SHH: variants seen among roughly 807,000 people sequenced by gnomAD.
The protein encoded by SHH is sonic hedgehog protein.
A neutral mutation model predicts 16.6 loss-of-function variants in SHH; 3 were observed. That is an observed-to-expected ratio of 0.18 (90% confidence interval 0.08 to 0.47). SHH has a LOEUF of 0.47. Among genes scored for constraint, SHH ranks in the 20% least tolerant of loss-of-function variants. SHH has a pLI of 0.98. For synonymous variants in SHH, 351 were observed against 316.2 expected, an observed-to-expected ratio of 1.11 and a Z score of -1.17; for missense variants, 499 against 665.0, an observed-to-expected ratio of 0.75 and a Z score of 2.75.
At chr7:155,805,940 C>G (rs543061930) in intron 2 of SHH, among the ~76,000 whole-genome samples, 1 of 152,344 alleles carries the variant, frequency 6.6e-6, no homozygotes, top group East Asian at 1.9e-4. Context: ...GAGGAAGGAG[C>G]TCGCCCAGAC....
rs1803401963 is a variant in SHH at position 155,807,660 on chromosome 7, T to G, written c.301-1103A>C. 6.6e-6 allele frequency among the ~76,000 whole-genome samples: 1 copy of G among 152,086 alleles called. No homozygotes were observed. The highest frequency in any genetic ancestry group is 2.4e-5 in the African/African-American group (1 of 41,404). The stretch of plus-strand genomic sequence containing the variant: ...CGACAGAAAGCAGTTGAATCCACTG[T>G]GTGTGTTTGTGGGGGCACTGACTTG... On this transcript the variant is annotated intron_variant, in intron 1 of 2. Coordinates refer to ENST00000297261, the MANE Select transcript of SHH (RefSeq NM_000193.4). This position sits in a 1 kb window ranked among gnomAD's most constrained non-coding sequence, Gnocchi z 7.1.
chr7:155,806,360 C>T lies in SHH; in HGVS notation c.498G>A (p.Val166=). Residue 166 remains valine (V), a synonymous_variant, in exon 2 of 3, where the codon GTG becomes GTA. Transcript: ENST00000297261. ...AGTACACCCAGTCGAAGCCGGCCTC[C>T]ACCGCCAGGCGGGCCAGCATGCCGT... The part of the protein sequence containing the change: ...SKYGMLARLA[V]EAGFDWVYYE... 1 of 1,613,584 alleles carries T rather than the reference C, an allele frequency of 6.2e-7. No homozygotes were observed. The highest frequency in any genetic ancestry group is 8.5e-7 in the Non-Finnish European group (1 of 1,180,046).
rs1261106266 is a variant in SHH, at chr7:155,812,333, C to T, written c.-211G>A. On this transcript the variant is annotated 5_prime_UTR_variant, in exon 1 of 3. Transcript: ENST00000297261. ...CTGCGGGGGACTCTCCACCGCTCCCCACCCAGACAGGGGCTGGAATGGCAG... is the reference window on the plus strand; with the variant it reads ...CTGCGGGGGACTCTCCACCGCTCCCTACCCAGACAGGGGCTGGAATGGCAG... 1.6e-6 allele frequency: 1 copy of T among 609,294 alleles called. No individual in the cohort carries two copies. The highest frequency in any genetic ancestry group is 2.8e-5 in the East Asian group (1 of 36,112). The allele number at this position is 609,294 out of a possible 1,614,324, so 37.7% of individuals were successfully genotyped here.
At chr7:155,810,056 C>T (rs759873221) in intron 1 of SHH, among the ~76,000 whole-genome samples, 4 of 152,068 alleles carry the variant, frequency 2.6e-5, no homozygotes, top group Non-Finnish European at 4.4e-5. Context: ...CGCTCCCGCG[C>T]GTGGAGCAGC....
chr7:155,808,433 TG>T (rs1266903257), intron 1 of SHH, among the ~76,000 whole-genome samples: 2 of 152,216 alleles, frequency 1.3e-5, no homozygotes, highest in Non-Finnish European at 2.9e-5. Flanking sequence ...GAGGATGACC[TG>T]GCCCCCAGCT....
At position 155,800,521 on chromosome 7, in the gene SHH, G is replaced by A; in HGVS notation, c.*2379C>T. 1 of 470,328 alleles carries A rather than the reference G, an allele frequency of 2.1e-6. No individual in the cohort carries two copies. The highest frequency in any genetic ancestry group is 4.4e-6 in the Non-Finnish European group (1 of 226,888). The allele number at this position is 470,328 out of a possible 1,614,324, so 29.1% of individuals were successfully genotyped here. The stretch of plus-strand genomic sequence containing the variant: ...CTGGGCTGCACGGCCACATTGCCAG[G>A]TCTGTCTACACAGCCAGAGGAGCTG... On this transcript the variant is annotated 3_prime_UTR_variant, in exon 3 of 3. Coordinates refer to ENST00000297261, the MANE Select transcript of SHH (RefSeq NM_000193.4).
Position 155,812,318 on chromosome 7 carries a change from C to A in SHH, c.-196G>T. The A allele has an allele frequency of 1.6e-6, 1 of 622,328 alleles. No individual in the cohort carries two copies. Among genetic ancestry groups the A allele is most frequent in the East Asian group, 2.8e-5 (1 of 36,246 alleles). The allele number at this position is 622,328 out of a possible 1,614,324, so 38.6% of individuals were successfully genotyped here. A position where few individuals can be genotyped will look rare whatever the true frequency, so the allele number is the denominator to read the frequency against. ...CCTTGCCCGCCGCGGCTGCGGGGGA[C>A]TCTCCACCGCTCCCCACCCAGACAG... On this transcript the variant is annotated 5_prime_UTR_variant, in exon 1 of 3. Transcript: ENST00000297261.
rs1253837527 is a variant in SHH at position 155,809,848 on chromosome 7, C to A, written c.300+1975G>T. Among the ~76,000 whole-genome samples, 1 of 151,582 alleles carries A rather than the reference C, an allele frequency of 6.6e-6. No homozygotes were observed. Among genetic ancestry groups the A allele is most frequent in the East Asian group, 1.9e-4 (1 of 5,138 alleles). Reference sequence around the variant, plus strand: ...CGGACGGGGGTCGGGGGGAGGCCCCCGGGCTGGGGGCTCCGGCTGGGACGC... The same window carrying A: ...CGGACGGGGGTCGGGGGGAGGCCCCAGGGCTGGGGGCTCCGGCTGGGACGC... On this transcript the variant is annotated intron_variant, in intron 1 of 2. Coordinates refer to ENST00000297261, the MANE Select transcript of SHH (RefSeq NM_000193.4). This position sits in a 1 kb window ranked among gnomAD's most constrained non-coding sequence, Gnocchi z 6.1.
chr7:155,803,059 G>GCCGCCGCCCCCGCGGTCC lies in SHH; in HGVS notation c.1212_1229dup (p.Asp405_Gly410dup). Reference sequence around the variant, plus strand: ...CTGGAGCGGTTAGGGCTACTCTGCCGCCGCCGCCCCCGCGGTCCCCGCCGC... The same window carrying GCCGCCGCCCCCGCGGTCC: ...CTGGAGCGGTTAGGGCTACTCTGCCGCCGCCGCCCCCGCGGTCCCCGCCGCCCCCGCGGTCCCCGCCGC... On this transcript the variant is annotated inframe_insertion, in exon 3 of 3. Coordinates refer to ENST00000297261, the MANE Select transcript of SHH (RefSeq NM_000193.4). The GCCGCCGCCCCCGCGGTCC allele has an allele frequency of 1.4e-6, 2 of 1,416,484 alleles. No homozygotes were observed. The highest frequency in any genetic ancestry group is 1.8e-6 in the Non-Finnish European group (2 of 1,083,464). The allele number at this position is 1,416,484 out of a possible 1,614,324, so 87.7% of individuals were successfully genotyped here.
At chr7:155,805,928 G>C (rs1336010993) in intron 2 of SHH, among the ~76,000 whole-genome samples, 2 of 152,366 alleles carry the variant, frequency 1.3e-5, no homozygotes, top group South Asian at 2.1e-4. Context: ...AGCCCTAAAC[G>C]AGAGGAAGGA....
In SHH at chr7:155,811,809, C is replaced by G. The variant is rs776142397; in HGVS notation, c.300+14G>C. 3 of 1,613,672 alleles carry G rather than the reference C, an allele frequency of 1.9e-6. No homozygotes were observed. Among genetic ancestry groups the G allele is most frequent in the Non-Finnish European group, 1.7e-6 (2 of 1,179,728 alleles). ...GAAAGCCACACATTCCACGCCCCGG[C>G]GCTGGGTTCCTACCTGAGTCATCAG... On this transcript the variant is annotated intron_variant, in intron 1 of 2. Coordinates refer to ENST00000297261, the MANE Select transcript of SHH (RefSeq NM_000193.4).
In SHH at chr7:155,811,813, G is replaced by A. The variant is rs764858271; in HGVS notation, c.300+10C>T. ...GCCACACATTCCACGCCCCGGCGCT[G>A]GGTTCCTACCTGAGTCATCAGCCTG... is the stretch of plus-strand genomic sequence containing the variant. On this transcript the variant is annotated intron_variant, in intron 1 of 2. Transcript: ENST00000297261. 23 of 1,613,844 alleles carry A rather than the reference G, an allele frequency of 1.4e-5. No individual in the cohort carries two copies. The highest frequency in any genetic ancestry group is 1.8e-5 in the Non-Finnish European group (21 of 1,179,870).
chr7:155,808,269 A>C (rs1803417978), intron 1 of SHH, among the ~76,000 whole-genome samples: 1 of 151,506 alleles, frequency 6.6e-6, no homozygotes, highest in African/African-American at 2.4e-5. Context: ...TAGAGCTATG[A>C]TGTGAGGCCC....
chr7:155,808,793 T>G (rs992739060), intron 1 of SHH, among the ~76,000 whole-genome samples: 3 of 152,130 alleles, frequency 2.0e-5, no homozygotes, highest in Non-Finnish European at 2.9e-5. Flanking sequence ...GAGGCCAAGT[T>G]GTTCCCCACG....
chr7:155,803,077 CCCG>C lies in SHH; in HGVS notation c.1209_1211del (p.Gly404del). The C allele has an allele frequency of 2.2e-6, 3 of 1,365,176 alleles. No individual in the cohort carries two copies. Among genetic ancestry groups the C allele is most frequent in the Non-Finnish European group, 1.9e-6 (2 of 1,057,990 alleles). 84.6% of individuals were successfully genotyped at this position (1,365,176 alleles called of 1,614,324 possible). ...CTCTGCCGCCGCCGCCCCCGCGGTC[CCCG>C]CCGCCGCTGTCCCCGCCGCGGTCCG... On this transcript the variant is annotated inframe_deletion, in exon 3 of 3. Coordinates refer to ENST00000297261, the MANE Select transcript of SHH (RefSeq NM_000193.4).
rs758397120 is a variant in SHH, at chr7:155,803,188, G to A, written c.1101C>T (p.Ile367=). ...NRVLASCYAV[I]EEHSWAHRAF... is the part of the protein sequence containing the mutation. The stretch of plus-strand genomic sequence containing the variant: ...CCCGGTGCGCCCAGCTGTGCTCCTC[G>A]ATGACCGCGTAGCACGAGGCCAGCA... The change falls in exon 3 of 3, where the codon ATC becomes ATT. Residue 367 remains isoleucine, a synonymous_variant. Transcript: ENST00000297261. 2.7e-6 allele frequency: 4 copies of A among 1,482,796 alleles called. No homozygotes were observed. Among genetic ancestry groups the A allele is most frequent in the South Asian group, 1.3e-5 (1 of 77,632 alleles). The allele number at this position is 1,482,796 out of a possible 1,614,324, so 91.9% of individuals were successfully genotyped here. A position where few individuals can be genotyped will look rare whatever the true frequency, so the allele number is the denominator to read the frequency against.
intron 1 of SHH, 189 bp from the exon 2 acceptor site, chr7:155,806,746 G>A (rs1018195331): frequency 1.2e-5 from 9 of 747,460 alleles, no homozygotes; most frequent in Non-Finnish European, 1.9e-5. Flanking sequence ...AAGAGGGACA[G>A]CATTTGCGGA....
intron 2 of SHH, among the ~76,000 whole-genome samples, chr7:155,804,959 C>A (rs1803310095): frequency 1.3e-5 from 2 of 152,224 alleles, no homozygotes; most frequent in Non-Finnish European, 2.9e-5. Flanking sequence ...CCCTCCGTAG[C>A]CCCCCGGAAT....
chr7:155,803,788 G>T, intron 2 of SHH, 62 bp from the exon 3 acceptor site: 2 of 1,414,440 alleles, frequency 1.4e-6, no homozygotes, highest in South Asian at 1.2e-5. Flanking sequence ...AGGGAGGCGC[G>T]TCTCGGGGAG....
Sources: allele counts gnomAD v4.1 joint callset (sites outside exome capture counted in the v4.1 genomes callset), GRCh38; gene constraint gnomAD v4.1.1; non-coding constraint Gnocchi (gnomAD v3.1); transcripts MANE v1.5; gene names NCBI Gene and HGNC (gene_info 2026-07-23, HGNC 2026-07-21).